The following TTC39B variants were observed in gnomAD, a reference collection of about 807,000 sequenced individuals.
The protein encoded by TTC39B is tetratricopeptide repeat domain 39B.
TTC39B carries 92 observed loss-of-function variants against 96.6 expected under a neutral mutation model. The observed-to-expected ratio is 0.95, with a 90% CI of 0.80 to 1.13. The LOEUF is 1.13. Among genes scored for constraint, TTC39B ranks in the 50% most tolerant of loss-of-function variants. The pLI is 0.00. For missense variants in TTC39B, 955 were observed against 809.3 expected, an observed-to-expected ratio of 1.18 and a Z score of -2.18; for synonymous variants, 367 against 299.4, an observed-to-expected ratio of 1.23 and a Z score of -2.33.
chr9:15,260,152 G>GT (rs983945597), intron 2 of TTC39B, among the ~76,000 whole-genome samples: 8 of 151,660 alleles, frequency 5.3e-5, no homozygotes, highest in African/African-American at 1.7e-4. Flanking sequence ...TCATTAGAGG[G>GT]TTTTTTTTCC....
chr9:15,283,015 T>G (rs1409940308), intron 1 of TTC39B, among the ~76,000 whole-genome samples: 2 of 152,186 alleles, frequency 1.3e-5, no homozygotes, highest in African/African-American at 4.8e-5. Context: ...ATTACAAAAT[T>G]AGGTACAACT....
chr9:15,171,011 C>T (rs1208768584), exon 20 of TTC39B: 1 of 152,284 alleles, frequency 6.6e-6, no homozygotes, highest in African/African-American at 2.4e-5. Context: ...CTAAAGGTCT[C>T]CTCACTAATC....
At chr9:15,194,285 T>G (rs1418838664) in intron 8 of TTC39B, among the ~76,000 whole-genome samples, 1 of 152,224 alleles carries the variant, frequency 6.6e-6, no homozygotes, top group Non-Finnish European at 1.5e-5. Flanking sequence ...TTTTTAAATC[T>G]TTTAATATTA....
At chr9:15,199,558 A>AC (rs1214620215) in intron 8 of TTC39B, among the ~76,000 whole-genome samples, 1 of 151,508 alleles carries the variant, frequency 6.6e-6, no homozygotes, top group African/African-American at 2.4e-5. Context: ...ACACAGTGAA[A>AC]CCCCATCTCT....
chr9:15,222,899 G>A (rs1820925308), intron 3 of TTC39B, among the ~76,000 whole-genome samples: 1 of 152,164 alleles, frequency 6.6e-6, no homozygotes, highest in African/African-American at 2.4e-5. Flanking sequence ...TATTTGATGA[G>A]CCAACAACAG....
At chr9:15,228,580 A>G (rs1184515821) in intron 2 of TTC39B, among the ~76,000 whole-genome samples, 3 of 152,222 alleles carry the variant, frequency 2.0e-5, no homozygotes, top group Admixed American at 6.5e-5. Flanking sequence ...AGCTTAGCCA[A>G]TCAGAAACCG....
chr9:15,251,688 C>T (rs1224370110), intron 2 of TTC39B, among the ~76,000 whole-genome samples: 2 of 106,704 alleles, frequency 1.9e-5, no homozygotes, highest in East Asian at 3.4e-4. Context: ...CACACACACA[C>T]ACATACATAT....
At chr9:15,167,775 G>A (rs185010333) in exon 20 of TTC39B, 7 of 152,198 alleles carry the variant, frequency 4.6e-5, no homozygotes, top group Admixed American at 4.6e-4. Context: ...TATTAATCAT[G>A]AAATCTATCT....
chr9:15,187,565 T>A (rs1818601670), intron 14 of TTC39B, among the ~76,000 whole-genome samples: 1 of 152,302 alleles, frequency 6.6e-6, no homozygotes, highest in African/African-American at 2.4e-5. Flanking sequence ...ACTCAAGCTA[T>A]CCTCCTGCCT....
chr9:15,287,135 G>A (rs1343907357), intron 1 of TTC39B, among the ~76,000 whole-genome samples: 2 of 152,320 alleles, frequency 1.3e-5, no homozygotes, highest in Non-Finnish European at 2.9e-5. Flanking sequence ...CTAAAGCTGA[G>A]TTTCATTACT....
chr9:15,203,939 T>C (rs1339476016), intron 6 of TTC39B, 49 bp from the exon 7 acceptor site: 9 of 1,527,898 alleles, frequency 5.9e-6, no homozygotes, highest in African/African-American at 2.8e-5. Context: ...ACATCCAAAG[T>C]GATTGCTCTG....
intron 3 of TTC39B, among the ~76,000 whole-genome samples, chr9:15,214,702 C>A (rs898126993): frequency 2.0e-5 from 3 of 152,104 alleles, no homozygotes; most frequent in African/African-American, 7.2e-5. Context: ...TTGATTTCTC[C>A]TTTGAACCTG....
At chr9:15,258,749 G>A (rs7860749) in intron 2 of TTC39B, among the ~76,000 whole-genome samples, 24,153 of 151,952 alleles carry the variant, frequency 0.16, 3,937 homozygotes, top group African/African-American at 0.42. Flanking sequence ...CTTTGCACCA[G>A]CAACACCCCA....
chr9:15,206,386 T>C (rs945321492), intron 6 of TTC39B, among the ~76,000 whole-genome samples: 1 of 152,206 alleles, frequency 6.6e-6, no homozygotes, highest in Non-Finnish European at 1.5e-5. Context: ...ACACTAAAGC[T>C]ACAATGTTTT....
chr9:15,169,793 T>C (rs556938251), exon 20 of TTC39B: 2 of 152,322 alleles, frequency 1.3e-5, no homozygotes, highest in East Asian at 1.9e-4. Flanking sequence ...GATTTTTAAA[T>C]GGAGATGAAT....
exon 1 of TTC39B, chr9:15,307,138 G>C (rs1329014852): frequency 6.2e-7 from 1 of 1,608,338 alleles, no homozygotes; most frequent in Non-Finnish European, 8.5e-7. Flanking sequence ...TCCTCCTCTG[G>C]CTGCTGCCAC....
At chr9:15,281,279 AT>A (rs1197625366) in intron 1 of TTC39B, among the ~76,000 whole-genome samples, 1 of 152,220 alleles carries the variant, frequency 6.6e-6, no homozygotes, top group Admixed American at 6.5e-5. Flanking sequence ...TAACAGTGCC[AT>A]CAAACTCATG....
chr9:15,185,967 G>C (rs1377478569), intron 15 of TTC39B, among the ~76,000 whole-genome samples: 1 of 152,194 alleles, frequency 6.6e-6, no homozygotes, highest in Non-Finnish European at 1.5e-5. Context: ...AGCTTAGGAT[G>C]TGTACCATGT....
chr9:15,177,289 T>C (rs1588840597), intron 18 of TTC39B, among the ~76,000 whole-genome samples: 1 of 152,006 alleles, frequency 6.6e-6, no homozygotes, highest in East Asian at 1.9e-4. Flanking sequence ...GCCATGATTG[T>C]ACTACTTGCA....
Sources: allele counts gnomAD v4.1 joint callset (sites outside exome capture counted in the v4.1 genomes callset), GRCh38; gene constraint gnomAD v4.1.1; transcripts MANE v1.5; gene names NCBI Gene and HGNC (gene_info 2026-07-23, HGNC 2026-07-21).